SLC26A5: variants seen among roughly 807,000 people sequenced by gnomAD.
SLC26A5 encodes the protein prestin.
SLC26A5 carries 51 observed loss-of-function variants against 81.0 expected under a neutral mutation model. That is an observed-to-expected ratio of 0.63 (90% confidence interval 0.50 to 0.80). The LOEUF is 0.80. Ranked by LOEUF, SLC26A5 falls within the 30% of genes least tolerant of loss-of-function variation. SLC26A5 has a pLI of 0.00. For synonymous variants in SLC26A5, 325 were observed against 332.8 expected (o/e 0.98, Z 0.25); for missense variants, 771 against 905.8 (o/e 0.85, Z 1.91).
intron 4 of SLC26A5, among the ~76,000 whole-genome samples, chr7:103,414,744 A>C (rs1023971004): frequency 2.6e-5 from 4 of 152,214 alleles, no homozygotes; most frequent in African/African-American, 4.8e-5. Flanking sequence ...GGTTCACTTG[A>C]AAGTTTTTTA....
At chr7:103,380,346 A>G in intron 15 of SLC26A5, 134 bp downstream of exon 15, 2 of 696,676 alleles carry the variant, frequency 2.9e-6, no homozygotes, top group Non-Finnish European at 5.1e-6. Context: ...CATATAGTAG[A>G]TCAAAGCTCA....
chr7:103,388,038 A>C (rs1822335972), intron 14 of SLC26A5, among the ~76,000 whole-genome samples: 1 of 152,036 alleles, frequency 6.6e-6, no homozygotes, highest in Non-Finnish European at 1.5e-5. Context: ...GATTTATCAC[A>C]AAAAGGTGTT....
intron 2 of SLC26A5, among the ~76,000 whole-genome samples, chr7:103,426,628 G>A (rs1197579834): frequency 6.6e-6 from 1 of 152,122 alleles, no homozygotes; most frequent in Admixed American, 6.5e-5. Context: ...ATAGCTGGTT[G>A]GTAGTTCAAG....
At chr7:103,380,442 T>C (rs753625054) in intron 15 of SLC26A5, 38 bp downstream of exon 15, 4 of 1,556,900 alleles carry the variant, frequency 2.6e-6, no homozygotes, top group East Asian at 2.2e-5. Flanking sequence ...GCACATCACA[T>C]GCTTACAACC....
At chr7:103,431,095 T>G (rs1035087753) in intron 2 of SLC26A5, among the ~76,000 whole-genome samples, 4 of 152,190 alleles carry the variant, frequency 2.6e-5, no homozygotes, top group African/African-American at 9.7e-5. Flanking sequence ...GCTCAGTAAT[T>G]CAAAGTGGTG....
intron 4 of SLC26A5, among the ~76,000 whole-genome samples, chr7:103,420,015 T>C (rs1483551361): frequency 6.6e-6 from 1 of 152,132 alleles, no homozygotes; most frequent in Non-Finnish European, 1.5e-5. Context: ...ATGTACTGTT[T>C]AGAATACATG....
At chr7:103,429,299 T>G (rs927174363) in intron 2 of SLC26A5, among the ~76,000 whole-genome samples, 1 of 152,254 alleles carries the variant, frequency 6.6e-6, no homozygotes, top group African/African-American at 2.4e-5. Context: ...CATTTATAAC[T>G]TTAATAATGC....
intron 14 of SLC26A5, among the ~76,000 whole-genome samples, chr7:103,386,683 TA>T (rs912632581): frequency 7.3e-5 from 11 of 151,606 alleles, no homozygotes; most frequent in African/African-American, 2.7e-4. Context: ...TCCTATTCAG[TA>T]AAAAAAACAA....
chr7:103,376,487 T>C (rs72655378), intron 19 of SLC26A5, among the ~76,000 whole-genome samples: 42 of 152,362 alleles, frequency 2.8e-4, no homozygotes, highest in Non-Finnish European at 5.3e-4. Context: ...TAACTGTTTA[T>C]GGCAGCCATT....
chr7:103,359,740 A>T (rs1820266951), intron 19 of SLC26A5, among the ~76,000 whole-genome samples: 1 of 152,100 alleles, frequency 6.6e-6, no homozygotes, highest in African/African-American at 2.4e-5. Flanking sequence ...AACTCTTTAG[A>T]TATGGTTTCC....
At chr7:103,363,480 G>T (rs978826402) in intron 19 of SLC26A5, 3 of 1,538,778 alleles carry the variant, frequency 1.9e-6, no homozygotes, top group Non-Finnish European at 2.7e-6. Flanking sequence ...TTTGTATAAA[G>T]ATGTCTTTTG....
At chr7:103,421,138 GA>G (rs1483102623) in intron 3 of SLC26A5, among the ~76,000 whole-genome samples, 1 of 152,092 alleles carries the variant, frequency 6.6e-6, no homozygotes, top group Non-Finnish European at 1.5e-5. Context: ...CATTTACACA[GA>G]AAAAAGGCAT....
intron 8 of SLC26A5, among the ~76,000 whole-genome samples, chr7:103,404,374 G>A (rs1208318371): frequency 6.6e-6 from 1 of 152,124 alleles, no homozygotes; most frequent in African/African-American, 2.4e-5. Context: ...TGTAAGGCAG[G>A]CCTGGTGGTG....
intron 6 of SLC26A5, 59 bp downstream of exon 6, chr7:103,411,361 A>G (rs1224384839): frequency 6.3e-7 from 1 of 1,599,448 alleles, no homozygotes; most frequent in Non-Finnish European, 8.5e-7. Context: ...AAGAGCACTC[A>G]GTAGATACTT....
At chr7:103,386,683 T>TA (rs912632581) in intron 14 of SLC26A5, among the ~76,000 whole-genome samples, 31 of 151,716 alleles carry the variant, frequency 2.0e-4, no homozygotes, top group African/African-American at 4.1e-4. Flanking sequence ...TCCTATTCAG[T>TA]AAAAAAAACA....
At chr7:103,395,834 A>G (rs1823069115) in intron 9 of SLC26A5, among the ~76,000 whole-genome samples, 1 of 152,096 alleles carries the variant, frequency 6.6e-6, no homozygotes, top group Admixed American at 6.6e-5. Flanking sequence ...TATGTTTTAA[A>G]AATGTACAGT....
At chr7:103,396,750 G>A (rs1348139497) in intron 9 of SLC26A5, among the ~76,000 whole-genome samples, 3 of 152,082 alleles carry the variant, frequency 2.0e-5, no homozygotes, top group South Asian at 2.1e-4. Flanking sequence ...CTGGAGATAC[G>A]CTTTACAATA....
intron 4 of SLC26A5, among the ~76,000 whole-genome samples, chr7:103,418,750 C>T (rs1300074369): frequency 6.6e-6 from 1 of 152,162 alleles, no homozygotes; most frequent in African/African-American, 2.4e-5. Flanking sequence ...AGCTGACCTA[C>T]AGCTGTTCAA....
At chr7:103,397,911 T>C in intron 9 of SLC26A5, 21 bp downstream of exon 9, 2 of 1,565,498 alleles carry the variant, frequency 1.3e-6, no homozygotes, top group South Asian at 1.1e-5. Flanking sequence ...GTCACACAGT[T>C]ACTTAAAACC....
Sources: gnomAD v4.1 joint callset for allele counts (sites outside exome capture counted in the v4.1 genomes callset) on GRCh38, gnomAD v4.1.1 for gene constraint, MANE v1.5 for transcripts, NCBI Gene and HGNC (gene_info 2026-07-23, HGNC 2026-07-21) for gene names.